The following TYRO3 variants were observed in gnomAD, a reference collection of about 807,000 sequenced individuals.
TYRO3 encodes the protein tyrosine-protein kinase receptor TYRO3.
Under a neutral mutation model 95.2 loss-of-function variants are expected in TYRO3, and 38 were observed. That is an observed-to-expected ratio of 0.40 (90% confidence interval 0.31 to 0.52). The LOEUF (loss-of-function observed/expected upper bound fraction) is 0.52. Among genes scored for constraint, TYRO3 ranks in the 20% least tolerant of loss-of-function variants. The probability of loss-of-function intolerance (pLI) is 0.56; values close to 1 mark genes in which losing one functional copy is unlikely to be tolerated. For missense variants in TYRO3, 812 were observed against 1,116.4 expected, an observed-to-expected ratio of 0.73 and a Z score of 3.89; for synonymous variants, 367 against 432.9, an observed-to-expected ratio of 0.85 and a Z score of 1.89.
chr15:41,565,807 C>T (rs757662890), intron 6 of TYRO3, among the ~76,000 whole-genome samples: 1 of 152,102 alleles, frequency 6.6e-6, no homozygotes, highest in East Asian at 1.9e-4. Context: ...CCCCAACCCC[C>T]ACTCAAGCCA....
In TYRO3 at chr15:41,560,395, G is replaced by GTA. The variant is rs1394765394; in HGVS notation, c.125-731_125-730insAT. ...AGGAGGCCAGGAGAGGTGCGTGTAT[G>GTA]TGTGTGTGTGTGTGTGTGTGTGTGT... On this transcript the variant is annotated intron_variant, in intron 1 of 18. Coordinates refer to ENST00000263798, the MANE Select transcript of TYRO3 (RefSeq NM_006293.4). Among the ~76,000 whole-genome samples, 344 of 116,686 alleles carry GTA rather than the reference G, an allele frequency of 2.9e-3. 1 individual carries two copies. Among genetic ancestry groups the GTA allele is most frequent in the Non-Finnish European group, 4.1e-3 (246 of 59,354 alleles). 76.6% of individuals were successfully genotyped at this position (116,686 alleles called of 152,430 possible). A position where few individuals can be genotyped will look rare whatever the true frequency, so the allele number is the denominator to read the frequency against.
chr15:41,568,898 G>T lies in TYRO3; in HGVS notation c.1128G>T (p.Gly376=). 6.2e-7 allele frequency: 1 copy of T among 1,612,298 alleles called. No individual in the cohort carries two copies. Among genetic ancestry groups the T allele is most frequent in the East Asian group, 2.2e-5 (1 of 44,878 alleles). Residue 376 remains glycine, a synonymous_variant, in exon 9 of 19, where the codon GGG becomes GGT. Coordinates refer to ENST00000263798, the MANE Select transcript of TYRO3 (RefSeq NM_006293.4). ...TGCAGGATGAGCTGACAGTGGAGGG[G>T]ACCAGGGCCAATTTGACAGGCTGGG... is the stretch of plus-strand genomic sequence containing the variant. The part of the protein sequence containing the change: ...NGTQDELTVE[G]TRANLTGWDP...
At position 41,582,792 on chromosome 15, in the gene TYRO3, T is replaced by A. The variant is rs1370010465; in HGVS notation, c.*4516T>A. The A allele has an allele frequency of 6.6e-6, 1 of 152,122 alleles. No homozygotes were observed. The highest frequency in any genetic ancestry group is 1.5e-5 in the Non-Finnish European group (1 of 68,020). The allele number at this position is 152,122 out of a possible 1,614,324, so 9.4% of individuals were successfully genotyped here. A position where few individuals can be genotyped will look rare whatever the true frequency, so the allele number is the denominator to read the frequency against. On this transcript the variant is annotated 3_prime_UTR_variant, in exon 19 of 19. Coordinates refer to ENST00000263798, the MANE Select transcript of TYRO3 (RefSeq NM_006293.4). ...GAGATTCAAAGTTATTTTTCCCAGA[T>A]ACTTTTTATTGTCCCAATACCACCA...
intron 3 of TYRO3, chr15:41,561,966 C>T: frequency 7.6e-6 from 2 of 262,114 alleles, no homozygotes; most frequent in South Asian, 4.3e-5. Flanking sequence ...GAGGAAGGCT[C>T]TGCAGCTGCG....
Position 41,578,068 on chromosome 15 carries a change from C to T in TYRO3, c.2465C>T (p.Pro822Leu), listed in dbSNP as rs1053401988. ...EPTAGGSLEL[P>L]GRDQPYSGAG... The stretch of plus-strand genomic sequence containing the variant: ...ACTGCGGGAGGCAGCCTGGAGCTAC[C>T]TGGCAGGGATCAGCCCTACAGTGGG... The change falls in exon 19 of 19, where the codon CCT becomes CTT. Residue 822 changes from proline (P) to leucine (L), a missense_variant. Physicochemically the swap from Pro to Leu is moderately conservative, Grantham distance 98. Coordinates refer to ENST00000263798, the MANE Select transcript of TYRO3 (RefSeq NM_006293.4). 1.2e-6 allele frequency: 2 copies of T among 1,613,988 alleles called. No homozygotes were observed. The highest frequency in any genetic ancestry group is 3.3e-5 in the Admixed American group (2 of 59,998).
chr15:41,578,290 G>T lies in TYRO3; in HGVS notation c.*14G>T. On this transcript the variant is annotated 3_prime_UTR_variant, in exon 19 of 19. Coordinates refer to ENST00000263798, the MANE Select transcript of TYRO3 (RefSeq NM_006293.4). ...AGTAGCTGTTAGCCCACAGGCAGAGGGCATCGGGGCCATTTGGCCGGCTCT... is the reference window on the plus strand; with the variant it reads ...AGTAGCTGTTAGCCCACAGGCAGAGTGCATCGGGGCCATTTGGCCGGCTCT... 6.2e-7 allele frequency: 1 copy of T among 1,612,978 alleles called. No homozygotes were observed. The highest frequency in any genetic ancestry group is 8.5e-7 in the Non-Finnish European group (1 of 1,179,930).
intron 13 of TYRO3, 87 bp downstream of exon 13, chr15:41,571,205 T>C: frequency 7.5e-7 from 1 of 1,337,758 alleles, no homozygotes; most frequent in Admixed American, 1.7e-5. Flanking sequence ...GCTTTGCCCC[T>C]AGATTTTCCA....
rs1370984525 is a variant in TYRO3, at chr15:41,581,923, ACT to A, written c.*3650_*3651del. 1.4e-5 allele frequency: 2 copies of A among 147,498 alleles called. No individual in the cohort carries two copies. The highest frequency in any genetic ancestry group is 5.0e-5 in the African/African-American group (2 of 40,078). 9.1% of individuals were successfully genotyped at this position (147,498 alleles called of 1,614,324 possible). A position where few individuals can be genotyped will look rare whatever the true frequency, so the allele number is the denominator to read the frequency against. The stretch of plus-strand genomic sequence containing the variant: ...CTGTCTCAAAAAAAAAAAGAGAGAG[ACT>A]CTGGATCAAAAAGGATTTTCACAAA... On this transcript the variant is annotated 3_prime_UTR_variant, in exon 19 of 19. Coordinates refer to ENST00000263798, the MANE Select transcript of TYRO3 (RefSeq NM_006293.4).
chr15:41,569,478 C>T (rs184028090), intron 9 of TYRO3, among the ~76,000 whole-genome samples: 124 of 151,094 alleles, frequency 8.2e-4, no homozygotes, highest in Admixed American at 2.8e-3. Flanking sequence ...TCTAAAGAAA[C>T]AAACAAATAA....
rs1040236805 is a variant in TYRO3, at chr15:41,562,815, G to A, written c.580+97G>A. On this transcript the variant is annotated intron_variant, in intron 4 of 18. Transcript: ENST00000263798. The stretch of plus-strand genomic sequence containing the variant: ...TCAGCCACTGAGCTTGCGGTTGTGA[G>A]CGTCCAGAGCAAGCCCCAGTGTCTG... 1.3e-5 allele frequency: 17 copies of A among 1,280,244 alleles called. No individual in the cohort carries two copies. In the African/African-American group the frequency reaches 1.5e-4, roughly 11 times the overall value. 79.3% of individuals were successfully genotyped at this position (1,280,244 alleles called of 1,614,324 possible).
At chr15:41,569,617 A>C (rs1314761112) in intron 9 of TYRO3, among the ~76,000 whole-genome samples, 8 of 151,702 alleles carry the variant, frequency 5.3e-5, no homozygotes, top group Non-Finnish European at 1.2e-4. Context: ...AAATTTAAAA[A>C]TTAGTCAGGT....
chr15:41,578,407 C>G lies in TYRO3; in HGVS notation c.*131C>G. ...CCTGTGGTAGTCCTCCCAAGCTGTG[C>G]TGGGAAGCCCGGACTGACCAAATCA... On this transcript the variant is annotated 3_prime_UTR_variant, in exon 19 of 19. Transcript: ENST00000263798. The G allele has an allele frequency of 8.2e-7, 1 of 1,224,292 alleles. No homozygotes were observed. Among genetic ancestry groups the G allele is most frequent in the Non-Finnish European group, 1.1e-6 (1 of 886,886 alleles). 75.8% of individuals were successfully genotyped at this position (1,224,292 alleles called of 1,614,324 possible).
intron 5 of TYRO3, chr15:41,564,670 G>A (rs2055699750): frequency 2.7e-6 from 1 of 370,838 alleles, no homozygotes; most frequent in African/African-American, 2.1e-5. Context: ...GGAGGGAGAG[G>A]GTGTCTGCAG....
intron 17 of TYRO3, 94 bp from the exon 18 acceptor site, chr15:41,573,585 G>C: frequency 7.0e-7 from 1 of 1,423,952 alleles, no homozygotes; most frequent in Non-Finnish European, 9.5e-7. Context: ...ATGAGGCCCT[G>C]AGCCCCAGGT....
At chr15:41,574,279 G>T (rs2055836370) in intron 18 of TYRO3, among the ~76,000 whole-genome samples, 2 of 152,144 alleles carry the variant, frequency 1.3e-5, no homozygotes, top group African/African-American at 4.8e-5. Context: ...CTAAGATAAA[G>T]AACTGAGATC....
chr15:41,574,289 C>G (rs2055836480), intron 18 of TYRO3, among the ~76,000 whole-genome samples: 4 of 152,134 alleles, frequency 2.6e-5, no homozygotes, highest in Admixed American at 2.6e-4. Context: ...GAACTGAGAT[C>G]CTGGGAAGAA....
At position 41,564,139 on chromosome 15, in the gene TYRO3, G is replaced by A. The variant is rs376621156; in HGVS notation, c.581-45G>A. The A allele has an allele frequency of 3.9e-6, 6 of 1,558,094 alleles. No homozygotes were observed. The African/African-American group carries it at 8.1e-5, about 21-fold the overall frequency. On this transcript the variant is annotated intron_variant, in intron 4 of 18. Transcript: ENST00000263798. ...TTCCCCTTTCCCAGTCCCGCACTGA[G>A]TGGGGTTGCTGCTTGGGGAGCTGAC... is the stretch of plus-strand genomic sequence containing the variant.
rs1345968167 is a variant in TYRO3 at position 41,559,497 on chromosome 15, AG to A, written c.124+118del. The A allele has an allele frequency of 1.8e-5, 4 of 220,448 alleles. No individual in the cohort carries two copies. The South Asian group carries it at 7.3e-4, about 40-fold the overall frequency. 13.7% of individuals were successfully genotyped at this position (220,448 alleles called of 1,614,324 possible). A position where few individuals can be genotyped will look rare whatever the true frequency, so the allele number is the denominator to read the frequency against. On this transcript the variant is annotated intron_variant, in intron 1 of 18. Coordinates refer to ENST00000263798, the MANE Select transcript of TYRO3 (RefSeq NM_006293.4). ...AGTCGGGGTGGGGGTCCGGAGCCGA[AG>A]GCCGAGGCTCGGAGCCGGGACAGGG...
rs970565384 is a variant in TYRO3, at chr15:41,561,108, G to A, written c.125-19G>A. The A allele has an allele frequency of 6.2e-7, 1 of 1,613,932 alleles. No individual in the cohort carries two copies. Among genetic ancestry groups the A allele is most frequent in the Non-Finnish European group, 8.5e-7 (1 of 1,179,900 alleles). On this transcript the variant is annotated intron_variant, in intron 1 of 18. Transcript: ENST00000263798. ...AGAGTCCCTCTCAAGGCTGACACAT[G>A]TTCCTTCCCACCCCTCAGGTCTGAA...
Sources: allele counts gnomAD v4.1 joint callset (sites outside exome capture counted in the v4.1 genomes callset), GRCh38; gene constraint gnomAD v4.1.1; transcripts MANE v1.5; gene names NCBI Gene and HGNC (gene_info 2026-07-23, HGNC 2026-07-21).